Variants in TEAD3 observed in about 807,000 individuals in gnomAD.
The protein encoded by TEAD3 is transcriptional enhancer factor TEF-5.
In TEAD3, 15 loss-of-function variants were observed where a neutral mutation model predicts 55.6. The ratio of observed to expected loss-of-function variants is 0.27; its 90% CI spans 0.18 to 0.42. The LOEUF (loss-of-function observed/expected upper bound fraction) is 0.42. TEAD3 is among the 10% of genes least tolerant of loss of function. The pLI is 1.00. For missense variants in TEAD3, 407 were observed against 576.8 expected (o/e 0.71, Z 3.01); for synonymous variants, 210 against 232.2 (o/e 0.90, Z 0.87).
At position 35,475,656 on chromosome 6, in the gene TEAD3, G is replaced by T; in HGVS notation, c.951C>A (p.Val317=). 1 of 1,613,228 alleles carries T rather than the reference G, an allele frequency of 6.2e-7. No homozygotes were observed. Among genetic ancestry groups the T allele is most frequent in the Non-Finnish European group, 8.5e-7 (1 of 1,179,384 alleles). ...TATCAGCAGAGCTGTACTGAGAGCT[G>T]ACCCCATAGAAGGCTCCCGGGCCCT... is the stretch of plus-strand genomic sequence containing the variant. Residue 317 remains valine (V), a synonymous_variant, in exon 11 of 13, where the codon GTC becomes GTA. Coordinates refer to ENST00000639578, the Ensembl canonical transcript of TEAD3. This position sits in a 1 kb window ranked among gnomAD's most constrained non-coding sequence, Gnocchi z 5.4.
chr6:35,484,109 C>T lies in TEAD3; in HGVS notation c.267+451G>A, dbSNP rs1443915867. Among the ~76,000 whole-genome samples, 1 of 152,198 alleles carries T rather than the reference C, an allele frequency of 6.6e-6. No homozygotes were observed. The highest frequency in any genetic ancestry group is 2.4e-5 in the African/African-American group (1 of 41,464). On this transcript the variant is annotated intron_variant, in intron 3 of 12. Coordinates refer to ENST00000639578, the Ensembl canonical transcript of TEAD3. The surrounding 1 kb of genome is among the most constrained non-coding windows in gnomAD (Gnocchi z 5.8). ...GAGCCTTCCCAGCTCTCTCTCCCCA[C>T]TCCCCTAGCCTTGTCTGGGTTGGCT...
chr6:35,492,608 A>G (rs1219697602), intron 1 of TEAD3, among the ~76,000 whole-genome samples: 1 of 93,442 alleles, frequency 1.1e-5, no homozygotes, highest in Non-Finnish European at 2.2e-5. Flanking sequence ...CTCTCTCCCC[A>G]CCCCCCGCCC....
At chr6:35,474,830 C>T (rs1365825474), downstream of TEAD3, 1 of 537,946 alleles carries the variant, frequency 1.9e-6, no homozygotes, top group African/African-American at 1.9e-5. Flanking sequence ...GGCTGCCCCA[C>T]CGCTGAGCCC....
chr6:35,478,691 T>C, intron 5 of TEAD3, 120 bp from the exon 6 acceptor site: 1 of 1,327,560 alleles, frequency 7.5e-7, no homozygotes, highest in Non-Finnish European at 1.0e-6. Flanking sequence ...TTCCTGAAGA[T>C]CCAGGCCTGG....
chr6:35,475,249 A>C lies in TEAD3; in HGVS notation c.1194+87T>G. On this transcript the variant is annotated intron_variant, in intron 12 of 12. Coordinates refer to ENST00000639578, the Ensembl canonical transcript of TEAD3. This position sits in a 1 kb window ranked among gnomAD's most constrained non-coding sequence, Gnocchi z 5.4. Reference sequence around the variant, plus strand: ...ACAGACCATTCTCCTTTCCGGATCTATGCCTCTCAGCCAAGCGATGTGTCT... The same window carrying C: ...ACAGACCATTCTCCTTTCCGGATCTCTGCCTCTCAGCCAAGCGATGTGTCT... The C allele has an allele frequency of 6.2e-7, 1 of 1,601,112 alleles. No homozygotes were observed. Among genetic ancestry groups the C allele is most frequent in the Non-Finnish European group, 8.5e-7 (1 of 1,172,686 alleles).
At position 35,478,265 on chromosome 6, in the gene TEAD3, C is replaced by T; in HGVS notation, c.530+10G>A. ...GAAGAGGGCGTGGGATGATGAGCCACAATACTCACTCCTGAGAGGGTCCAG... is the reference window on the plus strand; with the variant it reads ...GAAGAGGGCGTGGGATGATGAGCCATAATACTCACTCCTGAGAGGGTCCAG... On this transcript the variant is annotated intron_variant, in intron 7 of 12. Transcript: ENST00000639578. The T allele has an allele frequency of 6.2e-7, 1 of 1,613,170 alleles. No individual in the cohort carries two copies. The highest frequency in any genetic ancestry group is 8.5e-7 in the Non-Finnish European group (1 of 1,179,860).
chr6:35,496,821 C>CT lies in TEAD3; in HGVS notation c.-50+76_-50+77insA, dbSNP rs71002565. Reference sequence around the variant, plus strand: ...GGGACCCAGTCCCCCTCGAGTGTCGCCCCCCCAGCCAGCCCAGCCGACCAA... The same window carrying CT: ...GGGACCCAGTCCCCCTCGAGTGTCGCTCCCCCCAGCCAGCCCAGCCGACCAA... On this transcript the variant is annotated intron_variant, in intron 1 of 12. Transcript: ENST00000639578. The surrounding 1 kb of genome is among the most constrained non-coding windows in gnomAD (Gnocchi z 4.8). 0.29 allele frequency: 43,357 copies of CT among 151,842 alleles called. 7,413 individuals are homozygous for CT. Among genetic ancestry groups the CT allele is most frequent in the Middle Eastern group, 0.39 (114 of 296 alleles). 9.4% of individuals were successfully genotyped at this position (151,842 alleles called of 1,614,324 possible).
Position 35,486,364 on chromosome 6 carries a change from AGCGGCTG to A in TEAD3, c.202+90_202+96del, listed in dbSNP as rs1768380096. On this transcript the variant is annotated intron_variant, in intron 2 of 12. Coordinates refer to ENST00000639578, the Ensembl canonical transcript of TEAD3. This position sits in a 1 kb window ranked among gnomAD's most constrained non-coding sequence, Gnocchi z 7.3. ...CTTGCGCGCCCAGACTCGCCCGGCC[AGCGGCTG>A]GCGGCCTCCGACGTCACCAAACCGG... The A allele has an allele frequency of 1.4e-6, 2 of 1,406,918 alleles. No individual in the cohort carries two copies. The highest frequency in any genetic ancestry group is 9.6e-7 in the Non-Finnish European group (1 of 1,045,474). The allele number at this position is 1,406,918 out of a possible 1,614,324, so 87.2% of individuals were successfully genotyped here.
At position 35,474,976 on chromosome 6, in the gene TEAD3, C is replaced by A. The variant is rs961553087; in HGVS notation, c.*68G>T. On this transcript the variant is annotated 3_prime_UTR_variant, in exon 13 of 13. Transcript: ENST00000639578. ...ATGAATCCTCAATCCTGGACCCCCC[C>A]AGGGGTGCCAGGCAGGTGTGGAGAG... 77 of 1,349,134 alleles carry A rather than the reference C, an allele frequency of 5.7e-5. 1 individual carries two copies. In the Admixed American group the frequency reaches 1.8e-3, roughly 32 times the overall value. The allele number at this position is 1,349,134 out of a possible 1,614,324, so 83.6% of individuals were successfully genotyped here. A position where few individuals can be genotyped will look rare whatever the true frequency, so the allele number is the denominator to read the frequency against.
chr6:35,474,652 C>T, downstream of TEAD3: 1 of 200,262 alleles, frequency 5.0e-6, no homozygotes, highest in Admixed American at 5.3e-5. Flanking sequence ...TGCTCACTGA[C>T]TCCCTTGGTC....
intron 3 of TEAD3, 40 bp downstream of exon 4, chr6:35,480,272 C>T: frequency 1.2e-6 from 2 of 1,607,048 alleles, no homozygotes; most frequent in Non-Finnish European, 1.7e-6. Flanking sequence ...GGGTGAGGGG[C>T]CCAGGAGGGC....
chr6:35,490,961 A>G (rs577226747), intron 1 of TEAD3, among the ~76,000 whole-genome samples: 2 of 149,672 alleles, frequency 1.3e-5, no homozygotes, highest in South Asian at 4.2e-4. Context: ...GGTAGGAGAG[A>G]GAGGAGACCC....
rs1013964213 is a variant in TEAD3, at chr6:35,491,910, C to T, written c.-50+4988G>A. Among the ~76,000 whole-genome samples the T allele has an allele frequency of 6.6e-6, 1 of 152,192 alleles. No individual in the cohort carries two copies. The highest frequency in any genetic ancestry group is 2.4e-5 in the African/African-American group (1 of 41,448). On this transcript the variant is annotated intron_variant, in intron 1 of 12. Transcript: ENST00000639578. This position sits in a 1 kb window ranked among gnomAD's most constrained non-coding sequence, Gnocchi z 4.4. ...GCTGGAGCTGGGGCCGCTGCAGAGG[C>T]CCTGGTCCCCCACCCCCACAGACCC...
chr6:35,475,036 A>T lies in TEAD3; in HGVS notation c.*8T>A. On this transcript the variant is annotated 3_prime_UTR_variant, in exon 13 of 13. Transcript: ENST00000639578. This position sits in a 1 kb window ranked among gnomAD's most constrained non-coding sequence, Gnocchi z 5.4. ...ACCCTGCATCCTTAAGGAGGCGCAGAGGGCACCCTAGTCTTTGACGAGCTT... is the reference window on the plus strand; with the variant it reads ...ACCCTGCATCCTTAAGGAGGCGCAGTGGGCACCCTAGTCTTTGACGAGCTT... The T allele has an allele frequency of 6.4e-7, 1 of 1,559,216 alleles. No individual in the cohort carries two copies. The highest frequency in any genetic ancestry group is 8.7e-7 in the Non-Finnish European group (1 of 1,151,658).
chr6:35,494,609 T>G (rs1172895808), intron 1 of TEAD3, among the ~76,000 whole-genome samples: 2 of 152,008 alleles, frequency 1.3e-5, no homozygotes, highest in East Asian at 3.9e-4. Flanking sequence ...GGCTGCGACC[T>G]CCTAGCCCCT....
rs561343820 is a variant in TEAD3 at position 35,475,725 on chromosome 6, G to A, written c.901-19C>T. On this transcript the variant is annotated intron_variant, in intron 10 of 12. Transcript: ENST00000639578. This position sits in a 1 kb window ranked among gnomAD's most constrained non-coding sequence, Gnocchi z 5.4. The stretch of plus-strand genomic sequence containing the variant: ...GGTCGGCCTGGGCATGGGGGTGGGG[G>A]GTGTTAGGTGCTGGCAGAGACCAGA... 4 of 1,562,646 alleles carry A rather than the reference G, an allele frequency of 2.6e-6. No homozygotes were observed. Among genetic ancestry groups the A allele is most frequent in the Non-Finnish European group, 2.6e-6 (3 of 1,154,206 alleles).
intron 1 of TEAD3, among the ~76,000 whole-genome samples, chr6:35,489,620 G>A (rs1457520739): frequency 6.6e-6 from 1 of 152,170 alleles, no homozygotes; most frequent in East Asian, 1.9e-4. Flanking sequence ...CTGTCAGAGG[G>A]GCCAGATGCC....
chr6:35,475,059 C>T lies in TEAD3; in HGVS notation c.1293G>A (p.Lys431=). Residue 431 remains lysine (K), a synonymous_variant, in exon 13 of 13, where the codon AAG becomes AAA. Transcript: ENST00000639578. This position sits in a 1 kb window ranked among gnomAD's most constrained non-coding sequence, Gnocchi z 5.4. ...AGAGGGCACCCTAGTCTTTGACGAG[C>T]TTGTAGACATGGTGCTGGGCCCCGT... 1 of 1,588,200 alleles carries T rather than the reference C, an allele frequency of 6.3e-7. No homozygotes were observed. The highest frequency in any genetic ancestry group is 1.1e-5 in the South Asian group (1 of 87,054).
exon 13 of TEAD3, chr6:35,474,981 G>A (rs919692416): frequency 7.2e-7 from 1 of 1,380,848 alleles, no homozygotes; most frequent in African/African-American, 1.5e-5. Context: ...CCCCCCAGGG[G>A]TGCCAGGCAG....
Sources: gnomAD v4.1 joint callset for allele counts (sites outside exome capture counted in the v4.1 genomes callset) on GRCh38, gnomAD v4.1.1 for gene constraint, Gnocchi (gnomAD v3.1) non-coding constraint, MANE v1.5 for transcripts, NCBI Gene and HGNC (gene_info 2026-07-23, HGNC 2026-07-21) for gene names.